Variants in LSAMP observed in about 807,000 individuals in gnomAD.
LSAMP encodes the protein limbic system associated membrane protein.
A neutral mutation model predicts 38.6 loss-of-function variants in LSAMP; 7 were observed. The observed-to-expected ratio is 0.18, with a 90% confidence interval of 0.10 to 0.34. The LOEUF (loss-of-function observed/expected upper bound fraction) is 0.34, where lower values mean the gene tolerates loss of function less well. LSAMP is among the 10% of genes least tolerant of loss of function. LSAMP has a pLI of 1.00. For synonymous variants in LSAMP, 154 were observed against 166.8 expected (o/e 0.92, Z 0.59); for missense variants, 313 against 420.0 (o/e 0.75, Z 2.23).
intron 1 of LSAMP, among the ~76,000 whole-genome samples, chr3:116,276,735 G>C (rs1203672690): frequency 6.8e-6 from 1 of 147,966 alleles, no homozygotes; most frequent in Non-Finnish European, 1.5e-5. Context: ...GAAGCTAAAA[G>C]ATTGAAGTCT....
At chr3:116,134,590 T>C (rs1466348669) in intron 1 of LSAMP, among the ~76,000 whole-genome samples, 5 of 152,198 alleles carry the variant, frequency 3.3e-5, no homozygotes, top group Admixed American at 3.3e-4. Flanking sequence ...GAGACTTTGC[T>C]CTTGCAGTTC....
Position 115,908,852 on chromosome 3 carries a change from T to C in LSAMP, c.515-56235A>G, listed in dbSNP as rs557799013. Among the ~76,000 whole-genome samples the C allele has an allele frequency of 1.1e-4, 17 of 152,294 alleles. No homozygotes were observed. In the East Asian group the frequency reaches 3.3e-3, roughly 29 times the overall value. On this transcript the variant is annotated intron_variant, in intron 3 of 6. Coordinates refer to ENST00000490035, the MANE Select transcript of LSAMP (RefSeq NM_002338.5). The stretch of plus-strand genomic sequence containing the variant: ...CTTGCCTGTCGTCATCTCCAACCTG[T>C]CTAGATGTTTGACCTTCTGTCCGGC...
At chr3:116,032,281 A>G (rs1038823906) in intron 2 of LSAMP, among the ~76,000 whole-genome samples, 1 of 152,170 alleles carries the variant, frequency 6.6e-6, no homozygotes, top group Non-Finnish European at 1.5e-5. Context: ...CAGTTTGCAA[A>G]GCACTGGTAT....
At chr3:116,134,811 GTTCTTCCCTCTA>G (rs1312194408) in intron 1 of LSAMP, among the ~76,000 whole-genome samples, 1 of 152,034 alleles carries the variant, frequency 6.6e-6, no homozygotes, top group East Asian at 1.9e-4. Flanking sequence ...TACCATCCTT[GTTCTTCCCTCTA>G]TCCCCAGTGT....
At chr3:116,026,461 A>G (rs764474341) in intron 2 of LSAMP, among the ~76,000 whole-genome samples, 1 of 152,176 alleles carries the variant, frequency 6.6e-6, no homozygotes, top group Non-Finnish European at 1.5e-5. Flanking sequence ...AGTGGAATAG[A>G]CATATATGAT....
intron 3 of LSAMP, among the ~76,000 whole-genome samples, chr3:115,898,622 T>TGC (rs1936790685): frequency 6.8e-6 from 1 of 146,418 alleles, no homozygotes; most frequent in South Asian, 2.2e-4. Context: ...TATATATATA[T>TGC]ATGCACCCAA....
intron 1 of LSAMP, among the ~76,000 whole-genome samples, chr3:116,286,946 C>T (rs1297051953): frequency 1.3e-5 from 2 of 151,544 alleles, no homozygotes; most frequent in African/African-American, 4.9e-5. Context: ...AAGGACACTG[C>T]CATCACCAGC....
intron 1 of LSAMP, among the ~76,000 whole-genome samples, chr3:116,359,213 TTTAA>T (rs201317016): frequency 3.3e-5 from 5 of 152,238 alleles, no homozygotes; most frequent in Admixed American, 2.0e-4. Flanking sequence ...ATAATATATT[TTTAA>T]TTAATCAGTC....
intron 3 of LSAMP, among the ~76,000 whole-genome samples, chr3:115,860,444 T>G (rs1935641624): frequency 6.6e-6 from 1 of 152,246 alleles, no homozygotes. Flanking sequence ...CTTTATTTCT[T>G]TCTTTCAAGT....
At chr3:115,880,970 C>T (rs191148389) in intron 3 of LSAMP, among the ~76,000 whole-genome samples, 95 of 151,530 alleles carry the variant, frequency 6.3e-4, no homozygotes, top group South Asian at 3.7e-3. Flanking sequence ...CCCAAGAGGC[C>T]GAGGTTGCAG....
At chr3:116,189,348 A>C (rs1450393056) in intron 1 of LSAMP, among the ~76,000 whole-genome samples, 1 of 152,208 alleles carries the variant, frequency 6.6e-6, no homozygotes, top group African/African-American at 2.4e-5. Flanking sequence ...GCATAGATAC[A>C]GCAGAGCCTC....
rs1933975801 is a variant in LSAMP, at chr3:115,815,151, G to GAGAGAAAGAGAA, written c.920-4738_920-4737insTTCTCTTTCTCT. ...ACAATAAGATGTTCAGAGAGAGAGAGAGAAAGAGAAAGATAACATTCACAT... is the reference window on the plus strand; with the variant it reads ...ACAATAAGATGTTCAGAGAGAGAGAGAGAGAAAGAGAAAGAAAGAGAAAGATAACATTCACAT... On this transcript the variant is annotated intron_variant, in intron 6 of 6. Coordinates refer to ENST00000490035, the MANE Select transcript of LSAMP (RefSeq NM_002338.5). Among the ~76,000 whole-genome samples the GAGAGAAAGAGAA allele has an allele frequency of 3.3e-5, 5 of 152,256 alleles. No homozygotes were observed. In the South Asian group the frequency reaches 6.2e-4, roughly 19 times the overall value.
At chr3:116,247,873 CACTT>C (rs1307893181) in intron 1 of LSAMP, among the ~76,000 whole-genome samples, 1 of 152,200 alleles carries the variant, frequency 6.6e-6, no homozygotes, top group African/African-American at 2.4e-5. Context: ...AGTTTAACAT[CACTT>C]ACTTCTCCTC....
chr3:116,131,957 A>T (rs1324883772), intron 1 of LSAMP, among the ~76,000 whole-genome samples: 1 of 151,508 alleles, frequency 6.6e-6, no homozygotes, highest in Non-Finnish European at 1.5e-5. Flanking sequence ...TCTCCCGAGT[A>T]GCTGGAATTA....
intron 1 of LSAMP, among the ~76,000 whole-genome samples, chr3:116,246,411 C>T (rs971096607): frequency 4.6e-5 from 7 of 152,154 alleles, no homozygotes; most frequent in Non-Finnish European, 8.8e-5. Flanking sequence ...GTTGTGTGCA[C>T]ACAACAGCAG....
At chr3:116,115,047 T>C (rs146471556) in intron 1 of LSAMP, among the ~76,000 whole-genome samples, 5 of 152,248 alleles carry the variant, frequency 3.3e-5, no homozygotes, top group African/African-American at 1.2e-4. Context: ...GCAGGTTTTG[T>C]AGGTTTTTGG....
rs149032079 is a variant in LSAMP at position 116,396,117 on chromosome 3, T to C, written c.155+48760A>G. Among the ~76,000 whole-genome samples, 436 of 152,332 alleles carry C rather than the reference T, an allele frequency of 2.9e-3. 2 individuals are homozygous for C. Among genetic ancestry groups the C allele is most frequent in the African/African-American group, 9.9e-3 (411 of 41,570 alleles). ...GGAGGAAGTACTAAAGGTGGATTTATAAAACTGAATATATGCAATGTGGCT... is the reference window on the plus strand; with the variant it reads ...GGAGGAAGTACTAAAGGTGGATTTACAAAACTGAATATATGCAATGTGGCT... On this transcript the variant is annotated intron_variant, in intron 1 of 6. Coordinates refer to ENST00000490035, the MANE Select transcript of LSAMP (RefSeq NM_002338.5).
At chr3:116,238,756 G>A (rs2046495881) in intron 1 of LSAMP, among the ~76,000 whole-genome samples, 1 of 152,042 alleles carries the variant, frequency 6.6e-6, no homozygotes, top group African/African-American at 2.4e-5. Flanking sequence ...GAGAAGAAAA[G>A]ATAAACCTGA....
At chr3:115,888,436 T>C (rs569930157) in intron 3 of LSAMP, among the ~76,000 whole-genome samples, 2 of 151,950 alleles carry the variant, frequency 1.3e-5, no homozygotes, top group Non-Finnish European at 2.9e-5. Flanking sequence ...ACCTCTCCAC[T>C]ACTTTACACA....
Sources: gnomAD v4.1 joint callset for allele counts (sites outside exome capture counted in the v4.1 genomes callset) on GRCh38, gnomAD v4.1.1 for gene constraint, MANE v1.5 for transcripts, NCBI Gene and HGNC (gene_info 2026-07-23, HGNC 2026-07-21) for gene names.